Variants in RUBCNL observed in about 807,000 individuals in gnomAD.
RUBCNL encodes the protein protein associated with UVRAG as autophagy enhancer.
A neutral mutation model predicts 69.5 loss-of-function variants in RUBCNL; 62 were observed. The ratio of observed to expected loss-of-function variants is 0.89; its 90% confidence interval spans 0.73 to 1.10. RUBCNL has a LOEUF of 1.10. Ranked by LOEUF, RUBCNL falls within the 50% of genes least tolerant of loss-of-function variation. The pLI, the probability that RUBCNL is intolerant of heterozygous loss-of-function variation, is 0.00. For synonymous variants in RUBCNL, 291 were observed against 303.6 expected (o/e 0.96, Z 0.43); for missense variants, 768 against 798.1 (o/e 0.96, Z 0.45).
At chr13:46,353,899 ATTAAT>A (rs912019575) in intron 10 of RUBCNL, among the ~76,000 whole-genome samples, 1 of 152,236 alleles carries the variant, frequency 6.6e-6, no homozygotes, top group Non-Finnish European at 1.5e-5. Flanking sequence ...CTTAATTTCA[ATTAAT>A]TTAATTTTAA....
chr13:46,367,803 C>T (rs527985951), intron 5 of RUBCNL, among the ~76,000 whole-genome samples: 3 of 152,236 alleles, frequency 2.0e-5, no homozygotes, highest in African/African-American at 7.2e-5. Flanking sequence ...CCCTCTGGAA[C>T]ATGAATCATC....
chr13:46,360,121 G>C (rs1457453587), intron 8 of RUBCNL, among the ~76,000 whole-genome samples: 8 of 152,076 alleles, frequency 5.3e-5, no homozygotes, highest in Non-Finnish European at 8.8e-5. Context: ...GGGTGCAGTG[G>C]CTCATGCTTG....
At chr13:46,384,272 A>AT (rs1482601037) in intron 1 of RUBCNL, among the ~76,000 whole-genome samples, 2 of 152,252 alleles carry the variant, frequency 1.3e-5, no homozygotes, top group African/African-American at 4.8e-5. Context: ...TCTAAGAATC[A>AT]TTTCCAAGTA....
At chr13:46,350,399 T>C (rs1245142317) in intron 10 of RUBCNL, 48 bp from the exon 11 acceptor site, 1 of 1,339,774 alleles carries the variant, frequency 7.5e-7, no homozygotes, top group South Asian at 1.3e-5. Flanking sequence ...GCTGAAAACC[T>C]ATCCTGGTAT....
In RUBCNL at chr13:46,362,939, G is replaced by GATATATATATAT. The variant is rs57722239; in HGVS notation, c.925+164_925+175dup. Among the ~76,000 whole-genome samples, 49 of 41,472 alleles carry GATATATATATAT rather than the reference G, an allele frequency of 1.2e-3. 3 individuals carry two copies. The highest frequency in any genetic ancestry group is 4.6e-3 in the South Asian group (6 of 1,292). The allele number at this position is 41,472 out of a possible 152,430, so 27.2% of individuals were successfully genotyped here. A position where few individuals can be genotyped will look rare whatever the true frequency, so the allele number is the denominator to read the frequency against. On this transcript the variant is annotated intron_variant, in intron 6 of 14. Coordinates refer to ENST00000429979, the MANE Select transcript of RUBCNL (RefSeq NM_025113.5). ...CAAGAACATCATATATATATATATA[G>GATATATATATAT]ATATATATATATATATATATATATA...
chr13:46,378,782 T>A (rs755541517), intron 1 of RUBCNL: 1 of 152,240 alleles, frequency 6.6e-6, no homozygotes, highest in African/African-American at 2.4e-5. Context: ...CCACTATGTA[T>A]AACAGTCTTC....
chr13:46,387,579 A>G, upstream of RUBCNL: 1 of 985,442 alleles, frequency 1.0e-6, no homozygotes. Flanking sequence ...TCCCAACCCC[A>G]GATGCCCCCA....
rs376512056 is a variant in RUBCNL, at chr13:46,372,189, C to T, written c.287G>A (p.Gly96Glu). The change falls in exon 3 of 15, where the codon GGG becomes GAG. Residue 96 changes from glycine (G) to glutamate (E), a missense_variant. Transcript: ENST00000429979. Reference sequence around the variant, plus strand: ...CAACGTTGTCTCTGCCAGGGAGTCCCCGAGGCACGAAGGTGAAGGGCCTGA... The same window carrying T: ...CAACGTTGTCTCTGCCAGGGAGTCCTCGAGGCACGAAGGTGAAGGGCCTGA... ...SPSGPSPSCL[G>E]DSLAETTLSE... The T allele has an allele frequency of 7.4e-6, 12 of 1,613,864 alleles. No homozygotes were observed. The highest frequency in any genetic ancestry group is 1.7e-5 in the Admixed American group (1 of 60,006).
chr13:46,367,513 T>C (rs974458639), intron 5 of RUBCNL, among the ~76,000 whole-genome samples: 2 of 151,772 alleles, frequency 1.3e-5, no homozygotes, highest in African/African-American at 4.8e-5. Flanking sequence ...AAACAAAACA[T>C]AGGATTTGAC....
At chr13:46,365,148 C>T (rs1232391959) in intron 5 of RUBCNL, among the ~76,000 whole-genome samples, 2 of 151,650 alleles carry the variant, frequency 1.3e-5, no homozygotes, top group East Asian at 1.9e-4. Context: ...ACTAAAAATA[C>T]AAAAATTAGC....
Position 46,368,740 on chromosome 13 carries a change from A to G in RUBCNL, c.611T>C (p.Val204Ala). The G allele has an allele frequency of 6.2e-7, 1 of 1,612,846 alleles. No homozygotes were observed. Among genetic ancestry groups the G allele is most frequent in the Admixed American group, 1.7e-5 (1 of 59,956 alleles). Reference protein sequence around the residue: ...SPEVFVLPVDVEKENAHFYVA... With the variant: ...SPEVFVLPVDAEKENAHFYVA... ...AAAGAAGATAGCATTCACCTTTTCT[A>G]CATCAACAGGCAGCACAAATACCTC... The change falls in exon 4 of 15, where the codon GTA (valine) becomes GCA (alanine). Residue 204 changes from valine (V) to alanine (A), a missense_variant. Transcript: ENST00000429979.
rs1377251158 is a variant in RUBCNL, at chr13:46,339,060, A to G, written c.*4325T>C. On this transcript the variant is annotated 3_prime_UTR_variant, in exon 15 of 15. Coordinates refer to ENST00000429979, the MANE Select transcript of RUBCNL (RefSeq NM_025113.5). ...AGACCCTGTCTCAAAAAAAAAAAAA[A>G]AAGTGCAAGGAAAAATACACAATTT... 6.6e-6 allele frequency among the ~76,000 whole-genome samples: 1 copy of G among 151,740 alleles called. No homozygotes were observed. The highest frequency in any genetic ancestry group is 1.5e-5 in the Non-Finnish European group (1 of 67,946).
intron 2 of RUBCNL, among the ~76,000 whole-genome samples, chr13:46,374,006 T>G (rs1164290503): frequency 6.6e-6 from 1 of 152,234 alleles, no homozygotes; most frequent in Admixed American, 6.5e-5. Flanking sequence ...CTCTCCAACT[T>G]CATTCCATCA....
chr13:46,383,899 G>A (rs2049176283), intron 1 of RUBCNL, among the ~76,000 whole-genome samples: 1 of 152,220 alleles, frequency 6.6e-6, no homozygotes, highest in African/African-American at 2.4e-5. Context: ...AGACCCAGGA[G>A]GCCCAGGCTA....
Position 46,385,070 on chromosome 13 carries a change from T to C in RUBCNL, c.-239+2064A>G, listed in dbSNP as rs112524661. ...ACGCCAATCTGAGAAAAATGACTTATTAGCTGTGTGATTTTGAGCAATGCT... is the reference window on the plus strand; with the variant it reads ...ACGCCAATCTGAGAAAAATGACTTACTAGCTGTGTGATTTTGAGCAATGCT... On this transcript the variant is annotated intron_variant, in intron 1 of 14. Transcript: ENST00000429979. Among the ~76,000 whole-genome samples, 279 of 152,320 alleles carry C rather than the reference T, an allele frequency of 1.8e-3. 2 individuals carry two copies. The highest frequency in any genetic ancestry group is 6.3e-3 in the African/African-American group (260 of 41,570).
intron 14 of RUBCNL, among the ~76,000 whole-genome samples, chr13:46,343,703 G>A (rs973289676): frequency 6.6e-6 from 1 of 152,114 alleles, no homozygotes; most frequent in African/African-American, 2.4e-5. Flanking sequence ...GTCATGAACA[G>A]GAGGCTCAGA....
upstream of RUBCNL, among the ~76,000 whole-genome samples, chr13:46,388,287 AAGGG>A (rs933612936): frequency 2.2e-5 from 3 of 136,862 alleles, no homozygotes; most frequent in African/African-American, 8.2e-5. Context: ...GAAGGAACCC[AAGGG>A]AGGGAGGGAG....
rs386379048 is a variant in RUBCNL at position 46,348,606 on chromosome 13, AT to A, written c.1631+679del. Among the ~76,000 whole-genome samples the A allele has an allele frequency of 9.7e-3, 1,342 of 138,810 alleles. 8 individuals carry two copies. The highest frequency in any genetic ancestry group is 0.014 in the Non-Finnish European group (900 of 64,302). The allele number at this position is 138,810 out of a possible 152,430, so 91.1% of individuals were successfully genotyped here. ...TAGTGAATAAGTCTCACGAGATTTG[AT>A]TTTTTTTTTTTTTTTGAGACGGAAT... On this transcript the variant is annotated intron_variant, in intron 12 of 14. Transcript: ENST00000429979.
upstream of RUBCNL, chr13:46,387,430 C>T (rs1486212860): frequency 8.1e-6 from 8 of 985,506 alleles, no homozygotes; most frequent in East Asian, 9.1e-4. Context: ...CGCGCTCCTA[C>T]ACCGGTGCCG....
Sources: gnomAD v4.1 joint callset for allele counts (sites outside exome capture counted in the v4.1 genomes callset) on GRCh38, gnomAD v4.1.1 for gene constraint, MANE v1.5 for transcripts, NCBI Gene and HGNC (gene_info 2026-07-23, HGNC 2026-07-21) for gene names.